Variants in SH2D4A observed in about 807,000 individuals in gnomAD.
SH2D4A encodes SH2 domain-containing protein 4A.
In SH2D4A, 70 loss-of-function variants were observed where a neutral mutation model predicts 64.7. The observed-to-expected ratio is 1.08, with a 90% confidence interval of 0.89 to 1.32. SH2D4A has a LOEUF of 1.32. SH2D4A is among the 40% of genes most tolerant of loss of function. The pLI is 0.00. For missense variants in SH2D4A, 706 were observed against 540.1 expected (o/e 1.31, Z -3.04); for synonymous variants, 268 against 200.7 (o/e 1.34, Z -2.83).
chr8:19,376,405 T>G (rs2053196341), intron 8 of SH2D4A, among the ~76,000 whole-genome samples: 1 of 152,114 alleles, frequency 6.6e-6, no homozygotes, highest in Non-Finnish European at 1.5e-5. Flanking sequence ...GCGGATCACT[T>G]GAGGTCAGGA....
In SH2D4A at chr8:19,393,403, C is replaced by T; in HGVS notation, c.1134C>T (p.Ile378=). ...TTCTCATCCGAGTCAGTGAAAGGAT[C>T]AAAGGCTATGCCCTGTCCTATCTGT... ...GSFLIRVSER[I]KGYALSYLSE... Residue 378 remains isoleucine (I), a synonymous_variant, in exon 9 of 10, where the codon ATC becomes ATT. Coordinates refer to ENST00000265807, the MANE Select transcript of SH2D4A (RefSeq NM_022071.4). The T allele has an allele frequency of 6.2e-7, 1 of 1,614,140 alleles. No individual in the cohort carries two copies.
chr8:19,334,827 A>C lies in SH2D4A; in HGVS notation c.483A>C (p.Pro161=). The C allele has an allele frequency of 6.2e-7, 1 of 1,611,494 alleles. No individual in the cohort carries two copies. Among genetic ancestry groups the C allele is most frequent in the Non-Finnish European group, 8.5e-7 (1 of 1,179,428 alleles). ...EKEELEQGSR[P]APTLEEEKIR... is the part of the protein sequence containing the mutation. ...AGGAACTGGAGCAAGGATCGAGGCC[A>C]GCACCAACCCTGGAAGAAGAGAAAA... Residue 161 remains proline, a synonymous_variant, in exon 4 of 10, where the codon CCA becomes CCC. Coordinates refer to ENST00000265807, the MANE Select transcript of SH2D4A (RefSeq NM_022071.4).
At chr8:19,382,189 T>A (rs1371171929) in intron 8 of SH2D4A, among the ~76,000 whole-genome samples, 1 of 152,206 alleles carries the variant, frequency 6.6e-6, no homozygotes, top group Non-Finnish European at 1.5e-5. Flanking sequence ...GGTTTAGTGG[T>A]AACAAACTTC....
At chr8:19,323,223 T>C (rs901330170) in intron 2 of SH2D4A, among the ~76,000 whole-genome samples, 2 of 152,008 alleles carry the variant, frequency 1.3e-5, no homozygotes, top group Non-Finnish European at 2.9e-5. Context: ...CTAGTCTGGA[T>C]TGAGGTGTGC....
chr8:19,353,800 A>C lies in SH2D4A; in HGVS notation c.514-3403A>C, dbSNP rs139080124. Among the ~76,000 whole-genome samples, 891 of 151,424 alleles carry C rather than the reference A, an allele frequency of 5.9e-3. 9 individuals carry two copies. The highest frequency in any genetic ancestry group is 0.013 in the Admixed American group (195 of 15,172). ...TATCTAAATGAGCCTGCTTTCTGCA[A>C]GTTTTAAGTTTTTCATGTTATTTTA... is the stretch of plus-strand genomic sequence containing the variant. On this transcript the variant is annotated intron_variant, in intron 4 of 9. Transcript: ENST00000265807.
chr8:19,335,495 C>T (rs952589847), intron 4 of SH2D4A, among the ~76,000 whole-genome samples: 1 of 152,194 alleles, frequency 6.6e-6, no homozygotes, highest in African/African-American at 2.4e-5. Context: ...GGTTGGCAAA[C>T]ATTTTCTGTA....
At chr8:19,392,944 T>C (rs1176064555) in intron 8 of SH2D4A, among the ~76,000 whole-genome samples, 1 of 152,092 alleles carries the variant, frequency 6.6e-6, no homozygotes, top group African/African-American at 2.4e-5. Context: ...GGTTTCACCG[T>C]ATTAGTCAGG....
rs926409622 is a variant in SH2D4A, at chr8:19,337,441, A to T, written c.513+2584A>T. Among the ~76,000 whole-genome samples, 5 of 152,150 alleles carry T rather than the reference A, an allele frequency of 3.3e-5. No homozygotes were observed. The East Asian group carries it at 9.6e-4, about 29-fold the overall frequency. On this transcript the variant is annotated intron_variant, in intron 4 of 9. Transcript: ENST00000265807. ...CTTATTTGGAAATAGATCTTTGCAG[A>T]TGTAATTAAAGTAAAGGATCTCAAG... is the stretch of plus-strand genomic sequence containing the variant.
intron 8 of SH2D4A, among the ~76,000 whole-genome samples, chr8:19,380,637 C>T (rs1451294256): frequency 1.3e-5 from 2 of 152,212 alleles, no homozygotes; most frequent in African/African-American, 4.8e-5. Flanking sequence ...ACTGCCCTTT[C>T]CCTACTGAAT....
intron 8 of SH2D4A, among the ~76,000 whole-genome samples, chr8:19,392,929 C>T (rs1300565346): frequency 1.2e-4 from 18 of 151,910 alleles, no homozygotes; most frequent in Admixed American, 1.1e-3. Context: ...TTTTAGTAGA[C>T]ATGGGGTTTC....
At chr8:19,377,862 C>G (rs2053222828) in intron 8 of SH2D4A, among the ~76,000 whole-genome samples, 1 of 152,076 alleles carries the variant, frequency 6.6e-6, no homozygotes, top group African/African-American at 2.4e-5. Context: ...AGGATATGTG[C>G]ATCTTTAGTT....
chr8:19,382,516 T>C (rs150832059), intron 8 of SH2D4A, among the ~76,000 whole-genome samples: 2 of 152,268 alleles, frequency 1.3e-5, no homozygotes, highest in Non-Finnish European at 2.9e-5. Flanking sequence ...AAAATAGTCT[T>C]TGTGTTAGAT....
chr8:19,319,268 T>C, intron 1 of SH2D4A, 76 bp from the exon 2 acceptor site: 1 of 1,076,740 alleles, frequency 9.3e-7, no homozygotes, highest in Non-Finnish European at 1.1e-6. Flanking sequence ...CTCCTAGCTT[T>C]TTTTTTTAAA....
intron 8 of SH2D4A, chr8:19,375,545 A>C (rs1376135873): frequency 6.6e-6 from 1 of 152,286 alleles, no homozygotes; most frequent in African/African-American, 2.4e-5. Flanking sequence ...GGAGAGGACA[A>C]AGTGATTGAA....
chr8:19,382,820 A>ATTTTTTTTTTTTTTT (rs2053318237), intron 8 of SH2D4A, among the ~76,000 whole-genome samples: 1 of 85,908 alleles, frequency 1.2e-5, no homozygotes. Context: ...TGCTTTTAAG[A>ATTTTTTTTTTTTTTT]TTCTTTTTTT....
intron 9 of SH2D4A, among the ~76,000 whole-genome samples, chr8:19,394,009 C>G (rs2053544302): frequency 6.7e-6 from 1 of 149,412 alleles, no homozygotes; most frequent in South Asian, 2.1e-4. Flanking sequence ...AGTGGGAGCC[C>G]CGAACTTGTT....
chr8:19,330,047 T>G (rs1563186999), intron 2 of SH2D4A, among the ~76,000 whole-genome samples: 1 of 152,210 alleles, frequency 6.6e-6, no homozygotes, highest in South Asian at 2.1e-4. Flanking sequence ...TCTAGGTTAC[T>G]TGCAGGGGAA....
intron 8 of SH2D4A, among the ~76,000 whole-genome samples, chr8:19,386,993 A>G (rs554358391): frequency 7.9e-5 from 12 of 151,124 alleles, no homozygotes; most frequent in South Asian, 2.1e-4. Flanking sequence ...CAAGCTGGAA[A>G]TGCAGGTGTA....
intron 4 of SH2D4A, among the ~76,000 whole-genome samples, chr8:19,350,624 C>G (rs1408728911): frequency 6.6e-6 from 1 of 152,120 alleles, no homozygotes; most frequent in Non-Finnish European, 1.5e-5. Flanking sequence ...GCTGGAACTA[C>G]AGGCGCACAC....
Sources: allele counts gnomAD v4.1 joint callset (sites outside exome capture counted in the v4.1 genomes callset), GRCh38; gene constraint gnomAD v4.1.1; transcripts MANE v1.5; gene names NCBI Gene and HGNC (gene_info 2026-07-23, HGNC 2026-07-21).